Variants in DNAH7 observed in about 807,000 individuals in gnomAD.
The protein encoded by DNAH7 is dynein axonemal heavy chain 7, also known as axonemal beta dynein heavy chain 7.
In DNAH7, 397 loss-of-function variants were observed where a neutral mutation model predicts 444.6. The observed-to-expected ratio is 0.89, with a 90% confidence interval of 0.82 to 0.97. The LOEUF (loss-of-function observed/expected upper bound fraction) is 0.97, where lower values mean the gene tolerates loss of function less well. Among genes scored for constraint, DNAH7 ranks in the 50% least tolerant of loss-of-function variants. The pLI, the probability that DNAH7 is intolerant of heterozygous loss-of-function variation, is 0.00. For synonymous variants in DNAH7, 1,636 were observed against 1,624.4 expected, an observed-to-expected ratio of 1.01 and a Z score of -0.17; for missense variants, 4,902 against 4,800.8, an observed-to-expected ratio of 1.02 and a Z score of -0.62.
Position 196,068,789 on chromosome 2 carries a change from G to C in DNAH7, c.-78C>G, listed in dbSNP as rs549769755. The C allele has an allele frequency of 1.2e-4, 180 of 1,529,598 alleles. 3 individuals are homozygous for C. The South Asian group carries it at 2.1e-3, about 18-fold the overall frequency. The allele number at this position is 1,529,598 out of a possible 1,614,324, so 94.8% of individuals were successfully genotyped here. On this transcript the variant is annotated 5_prime_UTR_variant, in exon 1 of 65. Coordinates refer to ENST00000312428, the MANE Select transcript of DNAH7 (RefSeq NM_018897.3). ...GGAACCCCTAGGACGATAGAGGCAGGGCCCCGGGACTTGCAGCGGTCTCAG... is the reference window on the plus strand; with the variant it reads ...GGAACCCCTAGGACGATAGAGGCAGCGCCCCGGGACTTGCAGCGGTCTCAG...
At chr2:196,053,713 T>G (rs191091907) in intron 2 of DNAH7, among the ~76,000 whole-genome samples, 1 of 152,224 alleles carries the variant, frequency 6.6e-6, no homozygotes, top group Non-Finnish European at 1.5e-5. Flanking sequence ...AAGCCCCCTG[T>G]TGAAGTAGGC....
rs1215709545 is a variant in DNAH7 at position 195,897,610 on chromosome 2, T to C, written c.4647+57A>G. The C allele has an allele frequency of 3.9e-5, 38 of 981,128 alleles. No homozygotes were observed. In the East Asian group the frequency reaches 8.7e-4, roughly 22 times the overall value. The allele number at this position is 981,128 out of a possible 1,614,324, so 60.8% of individuals were successfully genotyped here. A position where few individuals can be genotyped will look rare whatever the true frequency, so the allele number is the denominator to read the frequency against. ...AGTGGGAGCTTCACAACCTTAGACA[T>C]GTGATAAATACATTATTATAAGAGT... On this transcript the variant is annotated intron_variant, in intron 29 of 64. Transcript: ENST00000312428.
intron 19 of DNAH7, among the ~76,000 whole-genome samples, chr2:195,947,635 A>G (rs1051365585): frequency 1.6e-4 from 25 of 151,996 alleles, no homozygotes; most frequent in African/African-American, 6.0e-4. Flanking sequence ...ATCCTTTTTT[A>G]TGGCTGCATA....
intron 50 of DNAH7, 34 bp from the exon 51 acceptor site, chr2:195,816,997 G>T (rs761373731): frequency 2.8e-5 from 42 of 1,476,886 alleles, no homozygotes; most frequent in Middle Eastern, 2.0e-4. Context: ...AGAAGAAAAA[G>T]AAGTCATTTA....
At chr2:195,949,066 G>C (rs1467280122) in intron 19 of DNAH7, among the ~76,000 whole-genome samples, 2 of 152,106 alleles carry the variant, frequency 1.3e-5, no homozygotes, top group Non-Finnish European at 2.9e-5. Context: ...TTGTGAATGG[G>C]AGTTCGCTCA....
At chr2:196,038,011 T>G (rs148148216) in intron 5 of DNAH7, among the ~76,000 whole-genome samples, 1 of 152,166 alleles carries the variant, frequency 6.6e-6, no homozygotes, top group Non-Finnish European at 1.5e-5. Context: ...GCTGTAAAAT[T>G]TTCTTGTCAA....
At chr2:196,049,333 G>A (rs751942989) in intron 3 of DNAH7, among the ~76,000 whole-genome samples, 11 of 152,178 alleles carry the variant, frequency 7.2e-5, no homozygotes, top group South Asian at 4.2e-4. Flanking sequence ...TTTTCCACCC[G>A]CCCTTCCCAT....
intron 23 of DNAH7, 107 bp downstream of exon 23, chr2:195,923,488 A>G: frequency 9.3e-7 from 1 of 1,072,232 alleles, no homozygotes; most frequent in Non-Finnish European, 1.4e-6. Flanking sequence ...GCCATCAGCA[A>G]AAGATCTCAG....
intron 58 of DNAH7, among the ~76,000 whole-genome samples, chr2:195,778,969 G>A (rs1695242705): frequency 1.3e-5 from 2 of 150,826 alleles, no homozygotes; most frequent in Admixed American, 6.6e-5. Context: ...TCAGCCTCCC[G>A]AGTAGCTGGG....
chr2:195,809,982 CCAAA>C (rs776661784), intron 51 of DNAH7, 111 bp from the exon 52 acceptor site: 7 of 847,130 alleles, frequency 8.3e-6, no homozygotes, highest in Non-Finnish European at 9.5e-6. Context: ...CAATTACCCC[CCAAA>C]CAATCAAGAA....
At position 195,808,889 on chromosome 2, in the gene DNAH7, A is replaced by G; in HGVS notation, c.9889-13T>C. The G allele has an allele frequency of 6.2e-7, 1 of 1,609,910 alleles. No homozygotes were observed. The highest frequency in any genetic ancestry group is 8.5e-7 in the Non-Finnish European group (1 of 1,178,016). On this transcript the variant is annotated splice_polypyrimidine_tract_variant and intron_variant, in intron 52 of 64. Transcript: ENST00000312428. ...CAGCTTTATTAATCTTTGGAAAACA[A>G]GGCAGCGTGAAGAGTCAGAAACGAG...
intron 21 of DNAH7, among the ~76,000 whole-genome samples, chr2:195,933,923 AAATT>A (rs966632326): frequency 2.0e-5 from 3 of 152,136 alleles, no homozygotes; most frequent in Admixed American, 6.6e-5. Flanking sequence ...TAAAAATTTA[AAATT>A]AATTAATTAG....
chr2:195,815,052 T>TC (rs1697158673), intron 51 of DNAH7, among the ~76,000 whole-genome samples: 1 of 148,636 alleles, frequency 6.7e-6, no homozygotes, highest in South Asian at 2.1e-4. Flanking sequence ...TGGGGATAAT[T>TC]TTTTTTTTTT....
At chr2:195,887,732 TAG>T (rs1383402856) in intron 33 of DNAH7, among the ~76,000 whole-genome samples, 1 of 152,198 alleles carries the variant, frequency 6.6e-6, no homozygotes, top group Non-Finnish European at 1.5e-5. Flanking sequence ...AATTTCCAGC[TAG>T]AGAGAGTTTA....
intron 5 of DNAH7, among the ~76,000 whole-genome samples, chr2:196,035,750 G>A (rs969325432): frequency 6.6e-6 from 1 of 152,180 alleles, no homozygotes; most frequent in Non-Finnish European, 1.5e-5. Flanking sequence ...CTCCATTGCA[G>A]GAAAAATGTA....
Position 195,861,805 on chromosome 2 carries a change from C to G in DNAH7, c.7648G>C (p.Val2550Leu). Reference protein sequence around the residue: ...STIDLSKSFFVELQRYNYVTP... With the variant: ...STIDLSKSFFLELQRYNYVTP... ...ACATAATTGTATCTTTGAAGTTCAA[C>G]AAAGAAAGATTTGGATAAATCTATA... Residue 2550 changes from valine (V) to leucine (L), a missense_variant, in exon 42 of 65, where the codon GTT becomes CTT. Transcript: ENST00000312428. The G allele has an allele frequency of 2.5e-6, 4 of 1,613,558 alleles. No homozygotes were observed. The highest frequency in any genetic ancestry group is 3.4e-6 in the Non-Finnish European group (4 of 1,179,676).
chr2:195,738,137 A>G lies in DNAH7; in HGVS notation c.11869-10T>C. Reference sequence around the variant, plus strand: ...AGGGCTTTAGCCACATCTGGAAGAAAGTACATAACACCTCTTTAAGTCAAG... The same window carrying G: ...AGGGCTTTAGCCACATCTGGAAGAAGGTACATAACACCTCTTTAAGTCAAG... On this transcript the variant is annotated splice_polypyrimidine_tract_variant and intron_variant, in intron 64 of 64. Transcript: ENST00000312428. The G allele has an allele frequency of 6.2e-7, 1 of 1,610,348 alleles. No individual in the cohort carries two copies. The highest frequency in any genetic ancestry group is 8.5e-7 in the Non-Finnish European group (1 of 1,176,824).
At chr2:195,958,232 T>TC (rs370725878) in intron 18 of DNAH7, among the ~76,000 whole-genome samples, 59 of 152,176 alleles carry the variant, frequency 3.9e-4, no homozygotes, top group African/African-American at 1.4e-3. Flanking sequence ...CTCTTCCTCC[T>TC]CCTCCTCAGT....
chr2:195,963,131 C>G (rs919607806), intron 17 of DNAH7, among the ~76,000 whole-genome samples: 4 of 152,202 alleles, frequency 2.6e-5, no homozygotes, highest in Admixed American at 2.6e-4. Context: ...TATATACCAG[C>G]AGCGGGACTG....
Sources: gnomAD v4.1 joint callset for allele counts (sites outside exome capture counted in the v4.1 genomes callset) on GRCh38, gnomAD v4.1.1 for gene constraint, MANE v1.5 for transcripts, NCBI Gene and HGNC (gene_info 2026-07-23, HGNC 2026-07-21) for gene names.